RFX3: variants seen among roughly 807,000 people sequenced by gnomAD.
The protein encoded by RFX3 is regulatory factor X3.
In RFX3, 14 loss-of-function variants were observed where a neutral mutation model predicts 98.6. That is an observed-to-expected ratio of 0.14 (90% confidence interval 0.09 to 0.22). RFX3 has a LOEUF of 0.22. Ranked by LOEUF, RFX3 falls within the 10% of genes least tolerant of loss-of-function variation. The pLI is 1.00. For synonymous variants in RFX3, 383 were observed against 328.4 expected (o/e 1.17, Z -1.80); for missense variants, 639 against 926.9 (o/e 0.69, Z 4.03).
chr9:3,411,836 T>C (rs1382365237), intron 1 of RFX3, among the ~76,000 whole-genome samples: 1 of 152,050 alleles, frequency 6.6e-6, no homozygotes, highest in African/African-American at 2.4e-5. Flanking sequence ...TATACGGACC[T>C]AGTCAGCCCC....
At chr9:3,320,663 A>ATAATT (rs1831162604) in intron 4 of RFX3, among the ~76,000 whole-genome samples, 1 of 148,720 alleles carries the variant, frequency 6.7e-6, no homozygotes, top group Non-Finnish European at 1.5e-5. Context: ...TTCGCTCAAC[A>ATAATT]TGGAGACTTT....
chr9:3,276,808 T>C (rs556192725), intron 8 of RFX3, among the ~76,000 whole-genome samples: 77 of 152,194 alleles, frequency 5.1e-4, no homozygotes, highest in African/African-American at 1.8e-3. Flanking sequence ...CCTTTGGCTA[T>C]GGCAAAAATA....
intron 13 of RFX3, among the ~76,000 whole-genome samples, chr9:3,258,153 T>C (rs1362071653): frequency 5.3e-5 from 8 of 152,150 alleles, no homozygotes; most frequent in Admixed American, 4.6e-4. Context: ...TGGGCCTCAG[T>C]TTCCCTAAGC....
intron 1 of RFX3, chr9:3,490,379 AT>A (rs1850638380): frequency 1.2e-6 from 1 of 867,140 alleles, no homozygotes; most frequent in Non-Finnish European, 1.4e-6. Flanking sequence ...ATTAGTTCAC[AT>A]TAAAAATGAA....
At chr9:3,433,795 T>C (rs1245275990) in intron 1 of RFX3, among the ~76,000 whole-genome samples, 2 of 152,166 alleles carry the variant, frequency 1.3e-5, no homozygotes, top group African/African-American at 2.4e-5. Flanking sequence ...ACTAAGTCTG[T>C]AAAGGGCCAA....
chr9:3,348,566 C>G (rs1260474580), intron 2 of RFX3, among the ~76,000 whole-genome samples: 1 of 151,778 alleles, frequency 6.6e-6, no homozygotes, highest in Non-Finnish European at 1.5e-5. Context: ...ATAAATTCCT[C>G]TCATTAATTA....
chr9:3,393,655 T>C (rs540428365), intron 2 of RFX3, among the ~76,000 whole-genome samples: 17 of 151,132 alleles, frequency 1.1e-4, no homozygotes, highest in East Asian at 1.9e-4. Flanking sequence ...AGTCTTAAAA[T>C]TGGTGATGGC....
intron 1 of RFX3, among the ~76,000 whole-genome samples, chr9:3,512,534 T>C (rs960006001): frequency 2.6e-5 from 4 of 151,926 alleles, no homozygotes; most frequent in Non-Finnish European, 4.4e-5. Flanking sequence ...TATATATTAA[T>C]ATATTACCTT....
In RFX3 at chr9:3,224,918, A is replaced by T. The variant is rs1343445425; in HGVS notation, c.*124T>A. On this transcript the variant is annotated 3_prime_UTR_variant, in exon 17 of 17. Transcript: ENST00000617270. Reference sequence around the variant, plus strand: ...TACACCCATTCCATTTCACAACTCCAAAAAGTTAATGTTCAGCACAGATAG... The same window carrying T: ...TACACCCATTCCATTTCACAACTCCTAAAAGTTAATGTTCAGCACAGATAG... The T allele has an allele frequency of 2.0e-6, 2 of 977,726 alleles. No individual in the cohort carries two copies. Among genetic ancestry groups the T allele is most frequent in the East Asian group, 4.8e-5 (2 of 41,330 alleles). The allele number at this position is 977,726 out of a possible 1,614,324, so 60.6% of individuals were successfully genotyped here.
chr9:3,442,526 G>A (rs548322377), intron 1 of RFX3, among the ~76,000 whole-genome samples: 79 of 152,230 alleles, frequency 5.2e-4, no homozygotes, highest in African/African-American at 1.9e-3. Context: ...TAGAATCCTG[G>A]AACAGAAACA....
intron 2 of RFX3, among the ~76,000 whole-genome samples, chr9:3,351,397 T>C (rs574298165): frequency 1.3e-5 from 2 of 152,018 alleles, no homozygotes; most frequent in East Asian, 3.9e-4. Flanking sequence ...TGCCAATATT[T>C]ATAGACTAGA....
chr9:3,361,282 A>C (rs1173439932), intron 2 of RFX3, among the ~76,000 whole-genome samples: 1 of 152,182 alleles, frequency 6.6e-6, no homozygotes, highest in African/African-American at 2.4e-5. Flanking sequence ...TAACCTTGTG[A>C]GAAAAGAGAA....
chr9:3,400,828 C>A (rs967055726), intron 1 of RFX3, among the ~76,000 whole-genome samples: 7 of 152,150 alleles, frequency 4.6e-5, no homozygotes, highest in Non-Finnish European at 8.8e-5. Flanking sequence ...GAGGTGTTAT[C>A]CCCATTTAAC....
rs539359427 is a variant in RFX3, at chr9:3,228,300, A to G, written c.2011+547T>C. Reference sequence around the variant, plus strand: ...TTGAGGTTCTTCAGAAATATATATCATGTTATCATATTATACTGTATATTA... The same window carrying G: ...TTGAGGTTCTTCAGAAATATATATCGTGTTATCATATTATACTGTATATTA... On this transcript the variant is annotated intron_variant, in intron 16 of 16. Transcript: ENST00000617270. Among the ~76,000 whole-genome samples the G allele has an allele frequency of 2.8e-4, 42 of 152,244 alleles. No homozygotes were observed. The South Asian group carries it at 5.0e-3, about 18-fold the overall frequency.
chr9:3,276,121 G>A (rs956798498), intron 8 of RFX3, among the ~76,000 whole-genome samples: 3 of 152,104 alleles, frequency 2.0e-5, no homozygotes, highest in African/African-American at 7.2e-5. Context: ...CTCTTGTCCT[G>A]TAACTAAGTT....
Position 3,397,685 on chromosome 9 carries a change from A to G in RFX3, c.-8-2089T>C, listed in dbSNP as rs555546635. Among the ~76,000 whole-genome samples the G allele has an allele frequency of 1.2e-4, 18 of 152,302 alleles. No homozygotes were observed. The East Asian group carries it at 3.5e-3, about 29-fold the overall frequency. On this transcript the variant is annotated intron_variant, in intron 1 of 16. Transcript: ENST00000617270. ...TTTCTTTCTACACTTTGACATTGGC[A>G]TCTTTTTAGGGGATTATTTTCTCAT...
chr9:3,411,328 C>T lies in RFX3; in HGVS notation c.-8-15732G>A, dbSNP rs185547991. On this transcript the variant is annotated intron_variant, in intron 1 of 16. Coordinates refer to ENST00000617270, the MANE Select transcript of RFX3 (RefSeq NM_001282116.2). ...TCCTCGCTCTGTGTCTTTCTTTCCCCCTTTCTCCCTTGCTCCTTTCTCTCC... is the reference window on the plus strand; with the variant it reads ...TCCTCGCTCTGTGTCTTTCTTTCCCTCTTTCTCCCTTGCTCCTTTCTCTCC... Among the ~76,000 whole-genome samples, 776 of 152,108 alleles carry T rather than the reference C, an allele frequency of 5.1e-3. 5 individuals carry two copies. The highest frequency in any genetic ancestry group is 8.1e-3 in the Non-Finnish European group (550 of 67,970).
intron 1 of RFX3, among the ~76,000 whole-genome samples, chr9:3,458,105 A>G (rs1209857035): frequency 6.6e-6 from 1 of 152,100 alleles, no homozygotes; most frequent in Non-Finnish European, 1.5e-5. Context: ...AAAAAAGGAC[A>G]CTGTTTTCAT....
rs534429820 is a variant in RFX3 at position 3,420,390 on chromosome 9, CATAA to C, written c.-8-24798_-8-24795del. On this transcript the variant is annotated intron_variant, in intron 1 of 16. Coordinates refer to ENST00000617270, the MANE Select transcript of RFX3 (RefSeq NM_001282116.2). The stretch of plus-strand genomic sequence containing the variant: ...AGTAGTTGTGAAGACCAATTGCAGT[CATAA>C]ATATCACCATCAAATACTTAGCTAC... Among the ~76,000 whole-genome samples the C allele has an allele frequency of 1.8e-3, 267 of 152,336 alleles. 1 individual carries two copies. The highest frequency in any genetic ancestry group is 2.2e-3 in the Non-Finnish European group (151 of 68,022).
Sources: allele counts gnomAD v4.1 joint callset (sites outside exome capture counted in the v4.1 genomes callset), GRCh38; gene constraint gnomAD v4.1.1; transcripts MANE v1.5; gene names NCBI Gene and HGNC (gene_info 2026-07-23, HGNC 2026-07-21).